XRN1: variants seen among roughly 807,000 people sequenced by gnomAD.
XRN1 encodes the protein 5'-3' exoribonuclease 1, also known as strand-exchange protein 1 homolog.
Under a neutral mutation model 222.3 loss-of-function variants are expected in XRN1, and 67 were observed. That is an observed-to-expected ratio of 0.30 (90% CI 0.25 to 0.37). The LOEUF is 0.37. Ranked by LOEUF, XRN1 falls within the 10% of genes least tolerant of loss-of-function variation. The probability of loss-of-function intolerance (pLI) is 1.00; values close to 1 mark genes in which losing one functional copy is unlikely to be tolerated. For synonymous variants in XRN1, 643 were observed against 652.4 expected, an observed-to-expected ratio of 0.99 and a Z score of 0.22; for missense variants, 1,707 against 2,000.2, an observed-to-expected ratio of 0.85 and a Z score of 2.80.
In XRN1 at chr3:142,316,137, T is replaced by C. The variant is rs559848351; in HGVS notation, c.4621+2455A>G. Among the ~76,000 whole-genome samples, 8 of 152,262 alleles carry C rather than the reference T, an allele frequency of 5.3e-5. No homozygotes were observed. The South Asian group carries it at 1.7e-3, about 32-fold the overall frequency. ...CCAAGCTGGGTACTCTGATAATGTT[T>C]CTTTTCTTGTAAAAAGAGATCCATT... is the stretch of plus-strand genomic sequence containing the variant. On this transcript the variant is annotated intron_variant, in intron 39 of 40. Coordinates refer to ENST00000392981, the MANE Select transcript of XRN1 (RefSeq NM_001282857.2).
chr3:142,426,719 A>G (rs1559874682), intron 3 of XRN1, 25 bp downstream of exon 3: 3 of 1,581,226 alleles, frequency 1.9e-6, no homozygotes, highest in Non-Finnish European at 1.7e-6. Context: ...CAATTCTGTC[A>G]TAATTTGTCT....
chr3:142,338,249 A>T (rs991991315), intron 33 of XRN1, among the ~76,000 whole-genome samples: 2 of 152,192 alleles, frequency 1.3e-5, no homozygotes, highest in African/African-American at 4.8e-5. Context: ...AGGGAAGAGT[A>T]AAGAGGACTT....
chr3:142,346,747 C>T (rs1017243236), intron 33 of XRN1, among the ~76,000 whole-genome samples: 1 of 152,164 alleles, frequency 6.6e-6, no homozygotes, highest in African/African-American at 2.4e-5. Context: ...TCCCAAAGTG[C>T]TGGGATTACA....
At chr3:142,339,194 T>C (rs1451114399) in intron 33 of XRN1, among the ~76,000 whole-genome samples, 1 of 151,996 alleles carries the variant, frequency 6.6e-6, no homozygotes, top group Non-Finnish European at 1.5e-5. Flanking sequence ...GCCACAGGGG[T>C]ACCTGTGTCA....
At chr3:142,352,302 G>GT (rs576911292) in intron 32 of XRN1, among the ~76,000 whole-genome samples, 37 of 152,286 alleles carry the variant, frequency 2.4e-4, no homozygotes, top group Admixed American at 5.2e-4. Context: ...GTGTGGTGCA[G>GT]TAAGTACAGT....
At chr3:142,388,366 C>T (rs1328490427) in intron 20 of XRN1, among the ~76,000 whole-genome samples, 1 of 152,192 alleles carries the variant, frequency 6.6e-6, no homozygotes, top group Non-Finnish European at 1.5e-5. Context: ...TATGCGTTAT[C>T]AACTACTTAT....
intron 6 of XRN1, among the ~76,000 whole-genome samples, chr3:142,423,346 C>A (rs879153484): frequency 6.6e-6 from 1 of 151,876 alleles, no homozygotes; most frequent in East Asian, 1.9e-4. Context: ...AAAGATCTAA[C>A]CATAAAAGTT....
chr3:142,351,329 A>G lies in XRN1; in HGVS notation c.3769-3987T>C, dbSNP rs375746249. On this transcript the variant is annotated intron_variant, in intron 32 of 40. Transcript: ENST00000392981. ...AAAAACAGGGAAGGGTGGTATTCCAATGACAAGTGAAGAATGGATGACAAG... is the reference window on the plus strand; with the variant it reads ...AAAAACAGGGAAGGGTGGTATTCCAGTGACAAGTGAAGAATGGATGACAAG... Among the ~76,000 whole-genome samples the G allele has an allele frequency of 3.9e-5, 6 of 152,212 alleles. 1 individual carries two copies. In the East Asian group the frequency reaches 1.2e-3, roughly 29 times the overall value.
At chr3:142,372,556 A>G (rs898319490) in intron 25 of XRN1, among the ~76,000 whole-genome samples, 1 of 152,066 alleles carries the variant, frequency 6.6e-6, no homozygotes, top group African/African-American at 2.4e-5. Flanking sequence ...GGGTTTCTAT[A>G]CCTCCTTATA....
chr3:142,448,037 T>C lies in XRN1; in HGVS notation c.-93A>G, dbSNP rs2070609950. On this transcript the variant is annotated 5_prime_UTR_variant, in exon 1 of 41. Coordinates refer to ENST00000392981, the MANE Select transcript of XRN1 (RefSeq NM_001282857.2). ...CAGCCTCCGGTCGTCGCTCCGCGGATGACAACACACCGCCCGGCCGACCAT... is the reference window on the plus strand; with the variant it reads ...CAGCCTCCGGTCGTCGCTCCGCGGACGACAACACACCGCCCGGCCGACCAT... 2.9e-6 allele frequency: 4 copies of C among 1,368,618 alleles called. No homozygotes were observed. Among genetic ancestry groups the C allele is most frequent in the Non-Finnish European group, 4.1e-6 (4 of 972,644 alleles). The allele number at this position is 1,368,618 out of a possible 1,614,324, so 84.8% of individuals were successfully genotyped here. A position where few individuals can be genotyped will look rare whatever the true frequency, so the allele number is the denominator to read the frequency against.
At chr3:142,419,323 G>A (rs1175723419) in intron 10 of XRN1, among the ~76,000 whole-genome samples, 1 of 151,432 alleles carries the variant, frequency 6.6e-6, no homozygotes, top group African/African-American at 2.4e-5. Flanking sequence ...TCTTAGGGGG[G>A]GAAAAAAAAA....
chr3:142,390,369 A>G (rs73867041), intron 20 of XRN1, among the ~76,000 whole-genome samples: 12,067 of 152,230 alleles, frequency 0.079, 1,603 homozygotes, highest in African/African-American at 0.27. Context: ...CTTCATCAAC[A>G]ATCTTAGCTA....
rs569151637 is a variant in XRN1 at position 142,307,260 on chromosome 3, A to G, written c.*4251T>C. On this transcript the variant is annotated 3_prime_UTR_variant, in exon 41 of 41. Coordinates refer to ENST00000392981, the MANE Select transcript of XRN1 (RefSeq NM_001282857.2). Reference sequence around the variant, plus strand: ...CTTTTTAATGAGAAACAGCATGAGAATTTGGCTTCAAATTACTAAAACAGC... The same window carrying G: ...CTTTTTAATGAGAAACAGCATGAGAGTTTGGCTTCAAATTACTAAAACAGC... 1 of 152,272 alleles carries G rather than the reference A, an allele frequency of 6.6e-6. No homozygotes were observed. The highest frequency in any genetic ancestry group is 2.4e-5 in the African/African-American group (1 of 41,556). The allele number at this position is 152,272 out of a possible 1,614,324, so 9.4% of individuals were successfully genotyped here.
At chr3:142,388,470 G>A (rs1480753576) in intron 20 of XRN1, among the ~76,000 whole-genome samples, 31 of 152,060 alleles carry the variant, frequency 2.0e-4, no homozygotes, top group Non-Finnish European at 3.2e-4. Flanking sequence ...CTGTATTGGG[G>A]GTCAGCACCC....
intron 18 of XRN1, among the ~76,000 whole-genome samples, chr3:142,400,918 AAAAT>A (rs1192136591): frequency 2.0e-5 from 3 of 152,136 alleles, no homozygotes; most frequent in Non-Finnish European, 2.9e-5. Flanking sequence ...CTCCGTCTCA[AAAAT>A]AAATAAATAA....
Position 142,375,788 on chromosome 3 carries a change from A to T in XRN1, c.2978+10T>A. ...TTGGAATGACTACTAGTATCTTATTATGTACTTACCTCTCTAAGTACTCTG... is the reference window on the plus strand; with the variant it reads ...TTGGAATGACTACTAGTATCTTATTTTGTACTTACCTCTCTAAGTACTCTG... On this transcript the variant is annotated intron_variant, in intron 25 of 40. Coordinates refer to ENST00000392981, the MANE Select transcript of XRN1 (RefSeq NM_001282857.2). The T allele has an allele frequency of 6.2e-7, 1 of 1,608,862 alleles. No homozygotes were observed. Among genetic ancestry groups the T allele is most frequent in the African/African-American group, 1.3e-5 (1 of 74,710 alleles).
rs1447152630 is a variant in XRN1 at position 142,421,154 on chromosome 3, C to T, written c.1036-1G>A. 6.2e-7 allele frequency: 1 copy of T among 1,605,054 alleles called. No individual in the cohort carries two copies. The highest frequency in any genetic ancestry group is 8.5e-7 in the Non-Finnish European group (1 of 1,176,942). ...CTTCACTGAAGTGCTCCCGATCAAACTGTACAGAAATATTTAAATTTATTT... is the reference window on the plus strand; with the variant it reads ...CTTCACTGAAGTGCTCCCGATCAAATTGTACAGAAATATTTAAATTTATTT... On this transcript the variant is annotated splice_acceptor_variant, in intron 9 of 40. Transcript: ENST00000392981. LOFTEE classifies it high-confidence loss of function.
chr3:142,392,296 C>A (rs930800090), intron 20 of XRN1, among the ~76,000 whole-genome samples: 2 of 151,580 alleles, frequency 1.3e-5, no homozygotes, highest in African/African-American at 4.9e-5. Context: ...CTCCAATAAC[C>A]TCCTTCATTT....
In XRN1 at chr3:142,397,450, C is replaced by T; in HGVS notation, c.2218G>A (p.Glu740Lys). 1 of 1,599,210 alleles carries T rather than the reference C, an allele frequency of 6.3e-7. No homozygotes were observed. The highest frequency in any genetic ancestry group is 1.1e-5 in the South Asian group (1 of 87,926). The change falls in exon 20 of 41, where the codon GAA becomes AAA. Residue 740 changes from glutamate (E) to lysine (K), a missense_variant. Around this residue, in one of 2 missense-constraint regions of XRN1, gnomAD observed 1,234 missense variants for 1,518.2 expected, o/e 0.81. Transcript: ENST00000392981. ...VSDGETKFYL[E>K]EPPGTQKLYS... ...AGCTTCTGTGTTCCTGGAGGTTCTTCCAAGTAAAACCTTAAGAGTTAAAAT... is the reference window on the plus strand; with the variant it reads ...AGCTTCTGTGTTCCTGGAGGTTCTTTCAAGTAAAACCTTAAGAGTTAAAAT...
Sources: allele counts gnomAD v4.1 joint callset (sites outside exome capture counted in the v4.1 genomes callset), GRCh38; gene constraint gnomAD v4.1.1; regional missense constraint gnomAD v4.1.1; transcripts MANE v1.5; gene names NCBI Gene and HGNC (gene_info 2026-07-23, HGNC 2026-07-21).